The following CDKAL1 variants were observed in gnomAD, a reference collection of about 807,000 sequenced individuals.
CDKAL1 encodes CDKAL1 threonylcarbamoyladenosine tRNA methylthiotransferase.
A neutral mutation model predicts 68.2 loss-of-function variants in CDKAL1; 32 were observed. The observed-to-expected ratio is 0.47, with a 90% CI of 0.35 to 0.63. CDKAL1 has a LOEUF of 0.63. Among genes scored for constraint, CDKAL1 ranks in the 30% least tolerant of loss-of-function variants. The pLI, the probability that CDKAL1 is intolerant of heterozygous loss-of-function variation, is 0.00. For synonymous variants in CDKAL1, 234 were observed against 244.3 expected (o/e 0.96, Z 0.39); for missense variants, 606 against 696.7 (o/e 0.87, Z 1.47).
rs561255595 is a variant in CDKAL1 at position 20,604,811 on chromosome 6, T to C, written c.287-44482T>C. ...TGTGACCAATACATGTGCTGTCTCTTTGACTCTGGGATTCAAGGGGTAAGT... is the reference window on the plus strand; with the variant it reads ...TGTGACCAATACATGTGCTGTCTCTCTGACTCTGGGATTCAAGGGGTAAGT... On this transcript the variant is annotated intron_variant, in intron 4 of 15. Transcript: ENST00000274695. Among the ~76,000 whole-genome samples the C allele has an allele frequency of 8.9e-4, 136 of 152,356 alleles. 1 individual carries two copies. The highest frequency in any genetic ancestry group is 3.1e-3 in the African/African-American group (129 of 41,592).
chr6:20,768,385 G>A (rs530846688), intron 7 of CDKAL1, among the ~76,000 whole-genome samples: 39 of 152,090 alleles, frequency 2.6e-4, no homozygotes, highest in Non-Finnish European at 4.1e-4. Context: ...ATAGTTTTTG[G>A]CATTTTAGAT....
At chr6:21,099,589 G>T (rs1773481793) in intron 12 of CDKAL1, among the ~76,000 whole-genome samples, 1 of 152,194 alleles carries the variant, frequency 6.6e-6, no homozygotes, top group African/African-American at 2.4e-5. Context: ...TAATAATCCA[G>T]ATAAGAGGTA....
intron 9 of CDKAL1, among the ~76,000 whole-genome samples, chr6:20,922,073 G>A (rs1365903432): frequency 1.3e-5 from 2 of 152,070 alleles, no homozygotes; most frequent in African/African-American, 2.4e-5. Flanking sequence ...TGGGATACGC[G>A]AACAAAATTC....
chr6:20,976,444 G>A (rs780390013), intron 10 of CDKAL1, among the ~76,000 whole-genome samples: 4 of 152,112 alleles, frequency 2.6e-5, no homozygotes, highest in South Asian at 2.1e-4. Flanking sequence ...TGACTGGACC[G>A]TAGCTCCTTG....
At chr6:20,745,244 G>T (rs555917860) in intron 6 of CDKAL1, among the ~76,000 whole-genome samples, 1 of 152,296 alleles carries the variant, frequency 6.6e-6, no homozygotes, top group East Asian at 1.9e-4. Context: ...CTTTAATTTT[G>T]AAAATTATGT....
At chr6:21,205,623 TG>T in intron 15 of CDKAL1, among the ~76,000 whole-genome samples, 1 of 140,536 alleles carries the variant, frequency 7.1e-6, no homozygotes, top group African/African-American at 2.6e-5. Flanking sequence ...CTCCGCCTCC[TG>T]GGTTCACGCC....
chr6:21,107,905 T>G (rs1382686476), intron 12 of CDKAL1, among the ~76,000 whole-genome samples: 1 of 152,186 alleles, frequency 6.6e-6, no homozygotes, highest in East Asian at 1.9e-4. Context: ...TATATAGCAG[T>G]GACACAGTAA....
At chr6:21,011,026 T>G (rs201292) in intron 11 of CDKAL1, among the ~76,000 whole-genome samples, 15,621 of 115,862 alleles carry the variant, frequency 0.13, 934 homozygotes, top group Middle Eastern at 0.26. Context: ...AGCTTGCAGT[T>G]AGCCGAGATC....
chr6:21,143,923 G>A (rs912891838), intron 13 of CDKAL1, among the ~76,000 whole-genome samples: 1 of 152,052 alleles, frequency 6.6e-6, no homozygotes, highest in Non-Finnish European at 1.5e-5. Flanking sequence ...TCACGATACT[G>A]AGTAGCCTGC....
intron 9 of CDKAL1, among the ~76,000 whole-genome samples, chr6:20,901,485 T>C (rs1375067410): frequency 3.3e-5 from 5 of 151,034 alleles, no homozygotes; most frequent in Admixed American, 2.0e-4. Context: ...CCATCCTGGC[T>C]AACATGGTGA....
In CDKAL1 at chr6:20,614,738, G is replaced by T. The variant is rs563602671; in HGVS notation, c.287-34555G>T. 6.6e-5 allele frequency among the ~76,000 whole-genome samples: 10 copies of T among 152,200 alleles called. No homozygotes were observed. In the East Asian group the frequency reaches 1.9e-3, roughly 29 times the overall value. On this transcript the variant is annotated intron_variant, in intron 4 of 15. Coordinates refer to ENST00000274695, the MANE Select transcript of CDKAL1 (RefSeq NM_017774.3). ...TTGCCTCTTAGTAGTTCTGCGTGTA[G>T]CTTTAAAAATATGGACTTTCAAAAG...
intron 8 of CDKAL1, among the ~76,000 whole-genome samples, chr6:20,803,581 A>G (rs6456374): frequency 0.81 from 123,054 of 152,002 alleles, 50,406 homozygotes; most frequent in East Asian, 0.91. Flanking sequence ...GTAACCTGAC[A>G]GCAATTCCAG....
At chr6:20,955,940 G>A (rs1043072306) in intron 10 of CDKAL1, among the ~76,000 whole-genome samples, 2 of 152,050 alleles carry the variant, frequency 1.3e-5, no homozygotes, top group African/African-American at 2.4e-5. Flanking sequence ...CATTAATTTC[G>A]CAACCCACAG....
chr6:21,165,737 G>C (rs1432783601), intron 13 of CDKAL1, among the ~76,000 whole-genome samples: 1 of 152,210 alleles, frequency 6.6e-6, no homozygotes, highest in African/African-American at 2.4e-5. Context: ...CTTACTGCCT[G>C]AGTCAAGGAG....
At chr6:21,224,999 A>G (rs1438722984) in intron 15 of CDKAL1, among the ~76,000 whole-genome samples, 2 of 152,152 alleles carry the variant, frequency 1.3e-5, no homozygotes, top group Non-Finnish European at 2.9e-5. Flanking sequence ...ACAGGTAGCA[A>G]TGGCAGTATG....
chr6:20,710,761 T>G (rs1421023480), intron 5 of CDKAL1, among the ~76,000 whole-genome samples: 1 of 152,160 alleles, frequency 6.6e-6, no homozygotes, highest in Non-Finnish European at 1.5e-5. Flanking sequence ...TACTGAGAAG[T>G]TTTTGATTTA....
rs1325996082 is a variant in CDKAL1 at position 21,231,855 on chromosome 6, C to G, written c.*816C>G. ...GTGTATAGAAACCTGTTCTGGGAACCTGAATGCTTTTGGAATGCACGGGGA... is the reference window on the plus strand; with the variant it reads ...GTGTATAGAAACCTGTTCTGGGAACGTGAATGCTTTTGGAATGCACGGGGA... On this transcript the variant is annotated 3_prime_UTR_variant, in exon 16 of 16. Coordinates refer to ENST00000274695, the MANE Select transcript of CDKAL1 (RefSeq NM_017774.3). 6.6e-6 allele frequency: 1 copy of G among 152,118 alleles called. No individual in the cohort carries two copies. The highest frequency in any genetic ancestry group is 6.5e-5 in the Admixed American group (1 of 15,280). 9.4% of individuals were successfully genotyped at this position (152,118 alleles called of 1,614,324 possible). A position where few individuals can be genotyped will look rare whatever the true frequency, so the allele number is the denominator to read the frequency against.
chr6:20,634,459 A>C (rs1054021553), intron 4 of CDKAL1, among the ~76,000 whole-genome samples: 3 of 152,368 alleles, frequency 2.0e-5, no homozygotes, highest in Non-Finnish European at 4.4e-5. Flanking sequence ...CTATTAAAAC[A>C]AACTCTTGCT....
chr6:21,202,996 A>G (rs1314234026), intron 15 of CDKAL1, among the ~76,000 whole-genome samples: 1 of 152,010 alleles, frequency 6.6e-6, no homozygotes, highest in African/African-American at 2.4e-5. Flanking sequence ...GTGGGGTAGG[A>G]ATATTGATTT....
Sources: allele counts gnomAD v4.1 joint callset (sites outside exome capture counted in the v4.1 genomes callset), GRCh38; gene constraint gnomAD v4.1.1; transcripts MANE v1.5; gene names NCBI Gene and HGNC (gene_info 2026-07-23, HGNC 2026-07-21).